MALRD1: variants seen among roughly 807,000 people sequenced by gnomAD.
MALRD1 encodes the protein MAM and LDL receptor class A domain containing 1.
Under a neutral mutation model 242.1 loss-of-function variants are expected in MALRD1, and 247 were observed. The ratio of observed to expected loss-of-function variants is 1.02; its 90% CI spans 0.92 to 1.13. The LOEUF is 1.13. Ranked by LOEUF, MALRD1 falls within the 50% of genes most tolerant of loss-of-function variation. The pLI is 0.00. For missense variants in MALRD1, 2,989 were observed against 2,533.1 expected, an observed-to-expected ratio of 1.18 and a Z score of -3.86; for synonymous variants, 995 against 866.6, an observed-to-expected ratio of 1.15 and a Z score of -2.60.
chr10:19,545,739 T>C (rs556219893), intron 32 of MALRD1, among the ~76,000 whole-genome samples: 1 of 152,310 alleles, frequency 6.6e-6, no homozygotes, highest in Non-Finnish European at 1.5e-5. Flanking sequence ...AGGAAAATTA[T>C]TAGACAGATC....
chr10:19,432,250 A>G (rs1334992819), intron 28 of MALRD1, among the ~76,000 whole-genome samples: 1 of 152,236 alleles, frequency 6.6e-6, no homozygotes, highest in African/African-American at 2.4e-5. Context: ...AAGATTGAGA[A>G]CAATGATAGT....
chr10:19,255,749 C>T (rs1391454093), intron 18 of MALRD1, among the ~76,000 whole-genome samples: 1 of 152,004 alleles, frequency 6.6e-6, no homozygotes, highest in Non-Finnish European at 1.5e-5. Context: ...CAACTGTCTT[C>T]TGTCTTGGAT....
intron 2 of MALRD1, among the ~76,000 whole-genome samples, chr10:19,080,018 G>C (rs1460959846): frequency 6.6e-6 from 1 of 151,850 alleles, no homozygotes; most frequent in East Asian, 1.9e-4. Context: ...TCCATTCACA[G>C]TTGCTACAAA....
intron 28 of MALRD1, among the ~76,000 whole-genome samples, chr10:19,402,579 C>T (rs1232896760): frequency 2.6e-5 from 4 of 152,080 alleles, no homozygotes; most frequent in African/African-American, 9.7e-5. Context: ...TTATAAATTA[C>T]CCACTCTTGG....
At chr10:19,176,846 CTGTG>C (rs539001847) in intron 14 of MALRD1, among the ~76,000 whole-genome samples, 9,901 of 147,886 alleles carry the variant, frequency 0.067, 425 homozygotes, top group Middle Eastern at 0.11. Flanking sequence ...GCCTGTGTGT[CTGTG>C]TGTGTGCGTG....
intron 10 of MALRD1, among the ~76,000 whole-genome samples, chr10:19,139,919 G>A (rs1468164439): frequency 6.6e-6 from 1 of 152,118 alleles, no homozygotes; most frequent in Admixed American, 6.6e-5. Flanking sequence ...AAGACAGCTA[G>A]GGGAAGAAAC....
rs1311142161 is a variant in MALRD1, at chr10:19,075,391, A to G, written c.340+8532A>G. Among the ~76,000 whole-genome samples, 3 of 152,066 alleles carry G rather than the reference A, an allele frequency of 2.0e-5. No individual in the cohort carries two copies. In the East Asian group the frequency reaches 5.8e-4, roughly 29 times the overall value. On this transcript the variant is annotated intron_variant, in intron 2 of 39. Transcript: ENST00000454679. ...CAAGTGGGCTCAGTGTAATCACATG[A>G]GCCCTTAAAAGCAGAAGTGGAAGGC...
At chr10:19,658,493 C>CCA (rs559716009) in intron 36 of MALRD1, among the ~76,000 whole-genome samples, 1 of 151,360 alleles carries the variant, frequency 6.6e-6, no homozygotes, top group Admixed American at 6.6e-5. Flanking sequence ...GGAAAACACA[C>CCA]CACACACACA....
intron 36 of MALRD1, among the ~76,000 whole-genome samples, chr10:19,635,241 A>G (rs539240299): frequency 6.6e-6 from 1 of 152,328 alleles, no homozygotes; most frequent in South Asian, 2.1e-4. Flanking sequence ...TAAAACTCCA[A>G]GATAGTAAAC....
chr10:19,513,102 A>G (rs6481956), intron 31 of MALRD1, among the ~76,000 whole-genome samples: 20,690 of 152,020 alleles, frequency 0.14, 1,518 homozygotes, highest in East Asian at 0.22. Flanking sequence ...TGGTTTGTAT[A>G]TTTGTCCCCT....
intron 5 of MALRD1, among the ~76,000 whole-genome samples, chr10:19,119,032 C>T (rs1836971491): frequency 6.6e-6 from 1 of 152,036 alleles, no homozygotes; most frequent in South Asian, 2.1e-4. Flanking sequence ...GATGATGTTT[C>T]CTGAGCCAGA....
At chr10:19,703,293 C>CTCTGCTT (rs1323683188) in intron 38 of MALRD1, among the ~76,000 whole-genome samples, 1 of 152,156 alleles carries the variant, frequency 6.6e-6, no homozygotes, top group African/African-American at 2.4e-5. Context: ...GGTGTATTTC[C>CTCTGCTT]TCTGCTTCCT....
At chr10:19,233,848 CTT>C (rs10715312) in intron 18 of MALRD1, among the ~76,000 whole-genome samples, 4 of 150,190 alleles carry the variant, frequency 2.7e-5, no homozygotes, top group Admixed American at 6.6e-5. Context: ...CAATTGGTTT[CTT>C]TTTTTTTAAT....
chr10:19,710,790 T>C (rs1354740045), intron 38 of MALRD1: 1 of 152,162 alleles, frequency 6.6e-6, no homozygotes, highest in Admixed American at 6.5e-5. Flanking sequence ...TTTTTCCACA[T>C]CCTCCCTCTA....
intron 18 of MALRD1, among the ~76,000 whole-genome samples, chr10:19,248,565 A>G (rs1256597065): frequency 6.6e-6 from 1 of 152,008 alleles, no homozygotes; most frequent in African/African-American, 2.4e-5. Context: ...TTTGACACCT[A>G]TTAGTGACTA....
intron 7 of MALRD1, among the ~76,000 whole-genome samples, chr10:19,127,176 A>T (rs1588584253): frequency 6.6e-6 from 1 of 152,130 alleles, no homozygotes. Flanking sequence ...ATTTGGGTTG[A>T]TTCCATGTCT....
intron 29 of MALRD1, among the ~76,000 whole-genome samples, chr10:19,485,808 T>G (rs1544113): frequency 0.39 from 59,338 of 151,728 alleles, 11,955 homozygotes; most frequent in East Asian, 0.54. Flanking sequence ...ACATAACTAC[T>G]TCCAATTATG....
At chr10:19,563,633 A>T (rs1449280922) in intron 32 of MALRD1, among the ~76,000 whole-genome samples, 1 of 152,220 alleles carries the variant, frequency 6.6e-6, no homozygotes, top group Non-Finnish European at 1.5e-5. Flanking sequence ...AGTCAGTGCC[A>T]GTGACCTGCC....
At chr10:19,683,133 G>GAAA (rs112989209) in intron 36 of MALRD1, among the ~76,000 whole-genome samples, 1 of 145,726 alleles carries the variant, frequency 6.9e-6, no homozygotes, top group African/African-American at 2.6e-5. Context: ...CATCTCTACC[G>GAAA]GAAAAAAAAA....
Sources: allele counts gnomAD v4.1 joint callset (sites outside exome capture counted in the v4.1 genomes callset), GRCh38; gene constraint gnomAD v4.1.1; transcripts MANE v1.5; gene names NCBI Gene and HGNC (gene_info 2026-07-23, HGNC 2026-07-21).